Variants in COL5A3 observed in about 807,000 individuals in gnomAD.
COL5A3 encodes collagen alpha-3(V) chain.
COL5A3 carries 172 observed loss-of-function variants against 250.0 expected under a neutral mutation model. That is an observed-to-expected ratio of 0.69 (90% CI 0.61 to 0.78). The LOEUF (loss-of-function observed/expected upper bound fraction) is 0.78. Among genes scored for constraint, COL5A3 ranks in the 30% least tolerant of loss-of-function variants. COL5A3 has a pLI of 0.00. For missense variants in COL5A3, 2,340 were observed against 2,334.4 expected (o/e 1.00, Z -0.05); for synonymous variants, 937 against 900.4 (o/e 1.04, Z -0.73).
chr19:9,980,014 G>A lies in COL5A3; in HGVS notation c.2638C>T (p.Pro880Ser). The part of the protein sequence containing the change: ...LPGLQGPPGF[P>S]GPKGPPGHQG... Reference sequence around the variant, plus strand: ...CTCACAGGGGGGCCCTTTGGCCCAGGGAATCCTGGAGGGCCTTGCAGACCA... The same window carrying A: ...CTCACAGGGGGGCCCTTTGGCCCAGAGAATCCTGGAGGGCCTTGCAGACCA... The change falls in exon 36 of 67, where the codon CCT (proline) becomes TCT (serine). Residue 880 changes from proline to serine, a missense_variant. By Grantham distance (74) the Pro-to-Ser change is moderately conservative. Around this residue, in one of 3 missense-constraint regions of COL5A3, gnomAD observed 9 missense variants for 25.5 expected, o/e 0.35. Coordinates refer to ENST00000264828, the MANE Select transcript of COL5A3 (RefSeq NM_015719.4). 1 of 1,589,230 alleles carries A rather than the reference G, an allele frequency of 6.3e-7. No homozygotes were observed. Among genetic ancestry groups the A allele is most frequent in the Non-Finnish European group, 8.5e-7 (1 of 1,173,674 alleles).
rs2086713163 is a variant in COL5A3, at chr19:9,964,647, C to T, written c.4782+1667G>A. On this transcript the variant is annotated intron_variant, in intron 64 of 66. Coordinates refer to ENST00000264828, the MANE Select transcript of COL5A3 (RefSeq NM_015719.4). Reference sequence around the variant, plus strand: ...CAATAACAATAAATATTATTTCACACTTATACCGGCCAGGTTCTTGCTAAG... The same window carrying T: ...CAATAACAATAAATATTATTTCACATTTATACCGGCCAGGTTCTTGCTAAG... 2.0e-5 allele frequency among the ~76,000 whole-genome samples: 3 copies of T among 151,820 alleles called. No homozygotes were observed. In the South Asian group the frequency reaches 6.2e-4, roughly 32 times the overall value.
rs756348875 is a variant in COL5A3 at position 9,974,215 on chromosome 19, C to T, written c.3460G>A (p.Gly1154Ser). Residue 1154 changes from glycine (G) to serine (S), a missense_variant, in exon 47 of 67, where the codon GGC becomes AGC. By Grantham distance (56) the Gly-to-Ser change is moderately conservative. Transcript: ENST00000264828. ...IGPPGLQGLP[G>S]PPGEKGEVGD... The stretch of plus-strand genomic sequence containing the variant: ...ACCTCCCCTTTCTCTCCCGGAGGGC[C>T]TGGCAGCCCCTGTGGAACAAAGAAG... 1.9e-6 allele frequency: 3 copies of T among 1,613,916 alleles called. No homozygotes were observed. The highest frequency in any genetic ancestry group is 2.5e-6 in the Non-Finnish European group (3 of 1,179,986).
intron 10 of COL5A3, 82 bp from the exon 11 acceptor site, chr19:9,997,515 C>T: frequency 1.1e-6 from 1 of 871,130 alleles, no homozygotes; most frequent in South Asian, 1.7e-5. Context: ...TGACTCTAAC[C>T]TCAGGCTGAC....
intron 10 of COL5A3, 137 bp from the exon 11 acceptor site, chr19:9,997,570 A>T: frequency 1.6e-6 from 1 of 614,504 alleles, no homozygotes; most frequent in Non-Finnish European, 2.9e-6. Context: ...CTAATGCAAT[A>T]CTGACCCCCA....
rs1020911336 is a variant in COL5A3 at position 10,009,332 on chromosome 19, C to A, written c.88+966G>T. On this transcript the variant is annotated intron_variant, in intron 1 of 66. Coordinates refer to ENST00000264828, the MANE Select transcript of COL5A3 (RefSeq NM_015719.4). This position sits in a 1 kb window ranked among gnomAD's most constrained non-coding sequence, Gnocchi z 4.4. The stretch of plus-strand genomic sequence containing the variant: ...ATCCCCTGACTCCCGAAGCGCCCCC[C>A]ACTCTGAACCCTGAGGGGCGGGACA... Among the ~76,000 whole-genome samples, 31 of 152,234 alleles carry A rather than the reference C, an allele frequency of 2.0e-4. No homozygotes were observed. The highest frequency in any genetic ancestry group is 3.4e-3 in the Middle Eastern group (1 of 294).
chr19:9,982,048 C>A lies in COL5A3; in HGVS notation c.2460+17G>T, dbSNP rs775897322. 1.2e-6 allele frequency: 2 copies of A among 1,603,736 alleles called. No individual in the cohort carries two copies. Among genetic ancestry groups the A allele is most frequent in the Non-Finnish European group, 1.7e-6 (2 of 1,171,648 alleles). Reference sequence around the variant, plus strand: ...AGACAAGTTCTCCCCTCTCCCTTACCCCCGGTCATGACTCACCGACTTCCC... The same window carrying A: ...AGACAAGTTCTCCCCTCTCCCTTACACCCGGTCATGACTCACCGACTTCCC... On this transcript the variant is annotated intron_variant, in intron 32 of 66. Coordinates refer to ENST00000264828, the MANE Select transcript of COL5A3 (RefSeq NM_015719.4).
chr19:9,975,061 C>CT lies in COL5A3; in HGVS notation c.3343-654dup, dbSNP rs5827078. On this transcript the variant is annotated intron_variant, in intron 45 of 66. Transcript: ENST00000264828. ...TACAAGTGTGTGCCACTGTGCCTGG[C>CT]TTTTTTTTTTTTTTTTTCTTTTCCC... 2.6e-3 allele frequency among the ~76,000 whole-genome samples: 326 copies of CT among 126,826 alleles called. 1 individual carries two copies. The highest frequency in any genetic ancestry group is 4.3e-3 in the Middle Eastern group (1 of 232). The allele number at this position is 126,826 out of a possible 152,430, so 83.2% of individuals were successfully genotyped here. A position where few individuals can be genotyped will look rare whatever the true frequency, so the allele number is the denominator to read the frequency against.
At chr19:10,005,429 C>T (rs1021867250) in intron 4 of COL5A3, 129 bp downstream of exon 4, 13 of 905,182 alleles carry the variant, frequency 1.4e-5, no homozygotes, top group South Asian at 8.1e-5. Flanking sequence ...AGCATGAACT[C>T]GCTTCCCTTA....
chr19:10,001,560 T>C lies in COL5A3; in HGVS notation c.1074A>G (p.Ala358=). 3.1e-6 allele frequency: 5 copies of C among 1,614,126 alleles called. No individual in the cohort carries two copies. The highest frequency in any genetic ancestry group is 4.2e-6 in the Non-Finnish European group (5 of 1,180,024). ...GGAACTGAGTCCGAGATGGATATTCTGCTGCCCGGAAGTCAGGGCCCATGG... is the reference window on the plus strand; with the variant it reads ...GGAACTGAGTCCGAGATGGATATTCCGCTGCCCGGAAGTCAGGGCCCATGG... The part of the protein sequence containing the change: ...DSTMGPDFRA[A]EYPSRTQFQI... Residue 358 remains alanine (A), a synonymous_variant, in exon 8 of 67, where the codon GCA becomes GCG. Coordinates refer to ENST00000264828, the MANE Select transcript of COL5A3 (RefSeq NM_015719.4).
At chr19:9,991,529 T>G in intron 24 of COL5A3, 81 bp downstream of exon 24, 1 of 1,203,124 alleles carries the variant, frequency 8.3e-7, no homozygotes, top group Non-Finnish European at 1.2e-6. Context: ...AACAGAGGGG[T>G]CTTGGTGGGA....
At chr19:10,007,741 A>AC (rs1433540459) in intron 1 of COL5A3, among the ~76,000 whole-genome samples, 1 of 151,454 alleles carries the variant, frequency 6.6e-6, no homozygotes, top group Non-Finnish European at 1.5e-5. Flanking sequence ...TGGATGAAGG[A>AC]CCCCCATTCC....
chr19:9,997,468 T>C, intron 10 of COL5A3, 35 bp from the exon 11 acceptor site: 1 of 1,472,062 alleles, frequency 6.8e-7, no homozygotes, highest in Non-Finnish European at 9.3e-7. Context: ...TCACAGGAAG[T>C]GCAAAGTTTG....
chr19:9,999,034 T>TTTTCTTTCTC lies in COL5A3; in HGVS notation c.1111-895_1111-886dup, dbSNP rs1555741025. 3.9e-5 allele frequency among the ~76,000 whole-genome samples: 4 copies of TTTTCTTTCTC among 101,892 alleles called. No individual in the cohort carries two copies. The East Asian group carries it at 1.1e-3, about 29-fold the overall frequency. 66.8% of individuals were successfully genotyped at this position (101,892 alleles called of 152,430 possible). On this transcript the variant is annotated intron_variant, in intron 8 of 66. Transcript: ENST00000264828. ...TCTTTCTTTCTTTCTTTCTCTTTCTTTTTCTTTCTCTTTCTTTCTCTTTTT... is the reference window on the plus strand; with the variant it reads ...TCTTTCTTTCTTTCTTTCTCTTTCTTTTTCTTTCTCTTTCTTTCTCTTTCTTTCTCTTTTT...
At chr19:9,995,428 T>C in intron 16 of COL5A3, 136 bp downstream of exon 16, 1 of 648,504 alleles carries the variant, frequency 1.5e-6, no homozygotes, top group Non-Finnish European at 2.5e-6. Flanking sequence ...ACACACTCAG[T>C]GGAGCTGCCA....
At chr19:9,983,519 CA>C (rs200926405) in intron 31 of COL5A3, among the ~76,000 whole-genome samples, 12,958 of 104,612 alleles carry the variant, frequency 0.12, 854 homozygotes, top group South Asian at 0.28. Context: ...AGCAAGCAAG[CA>C]AAAAGAAAGA....
chr19:9,989,587 C>T, intron 24 of COL5A3, 65 bp from the exon 25 acceptor site: 4 of 1,424,380 alleles, frequency 2.8e-6, no homozygotes, highest in South Asian at 1.3e-5. Context: ...CCACTAGGAT[C>T]TACGCAGACA....
chr19:9,959,895 C>T lies in COL5A3; in HGVS notation c.*516G>A, dbSNP rs2086647231. ...GAAACACAACCCAGTCAAGGGAAGT[C>T]CCTCTTCCCTCTGTAGTCCGACCTC... On this transcript the variant is annotated 3_prime_UTR_variant, in exon 67 of 67. Coordinates refer to ENST00000264828, the MANE Select transcript of COL5A3 (RefSeq NM_015719.4). 1 of 155,168 alleles carries T rather than the reference C, an allele frequency of 6.4e-6. No individual in the cohort carries two copies. The highest frequency in any genetic ancestry group is 2.4e-5 in the African/African-American group (1 of 41,362). The allele number at this position is 155,168 out of a possible 1,614,324, so 9.6% of individuals were successfully genotyped here. A position where few individuals can be genotyped will look rare whatever the true frequency, so the allele number is the denominator to read the frequency against.
chr19:10,003,098 A>T (rs1486423162), intron 6 of COL5A3, among the ~76,000 whole-genome samples: 1 of 152,150 alleles, frequency 6.6e-6, no homozygotes, highest in African/African-American at 2.4e-5. Flanking sequence ...AGGGAAGCCA[A>T]ATAATGCCCC....
chr19:9,977,847 G>A, intron 41 of COL5A3, 146 bp from the exon 42 acceptor site: 1 of 527,390 alleles, frequency 1.9e-6, no homozygotes, highest in Non-Finnish European at 3.1e-6. Context: ...GGGTGCCTGT[G>A]AGCACCTGAG....
Sources: allele counts gnomAD v4.1 joint callset (sites outside exome capture counted in the v4.1 genomes callset), GRCh38; gene constraint gnomAD v4.1.1; regional missense constraint gnomAD v4.1.1; non-coding constraint Gnocchi (gnomAD v3.1); transcripts MANE v1.5; gene names NCBI Gene and HGNC (gene_info 2026-07-23, HGNC 2026-07-21).